Variants in NIPAL2 observed in about 807,000 individuals in gnomAD.
The protein encoded by NIPAL2 is NIPA-like protein 2.
In NIPAL2, 43 loss-of-function variants were observed where a neutral mutation model predicts 48.9. The ratio of observed to expected loss-of-function variants is 0.88; its 90% CI spans 0.69 to 1.13. The LOEUF is 1.13. Among genes scored for constraint, NIPAL2 ranks in the 50% most tolerant of loss-of-function variants. The pLI is 0.00. For missense variants in NIPAL2, 446 were observed against 461.4 expected, an observed-to-expected ratio of 0.97 and a Z score of 0.31; for synonymous variants, 167 against 174.6, an observed-to-expected ratio of 0.96 and a Z score of 0.34.
chr8:98,192,938 TG>T lies in NIPAL2; in HGVS notation c.*39del. ...GAACATGTGCAATTTTTTAAAAAGG[TG>T]GTATCGAATAACAGGCCAACAGCCA... On this transcript the variant is annotated 3_prime_UTR_variant, in exon 11 of 11. Coordinates refer to ENST00000430223, the MANE Select transcript of NIPAL2 (RefSeq NM_001321635.2). 1 of 1,237,862 alleles carries T rather than the reference TG, an allele frequency of 8.1e-7. No homozygotes were observed. The highest frequency in any genetic ancestry group is 1.9e-4 in the Middle Eastern group (1 of 5,360). The allele number at this position is 1,237,862 out of a possible 1,614,324, so 76.7% of individuals were successfully genotyped here. A position where few individuals can be genotyped will look rare whatever the true frequency, so the allele number is the denominator to read the frequency against.
chr8:98,231,323 C>T (rs1465182037), intron 4 of NIPAL2, among the ~76,000 whole-genome samples: 1 of 152,124 alleles, frequency 6.6e-6, no homozygotes, highest in Non-Finnish European at 1.5e-5. Flanking sequence ...GTCTTCTCAA[C>T]CAGAGACGAT....
intron 4 of NIPAL2, among the ~76,000 whole-genome samples, chr8:98,228,793 TC>T (rs1433215773): frequency 1.3e-5 from 2 of 152,188 alleles, no homozygotes; most frequent in Non-Finnish European, 2.9e-5. Context: ...TGGGGCTGTC[TC>T]TAAGGAGATA....
chr8:98,223,974 A>G (rs956206029), intron 4 of NIPAL2, among the ~76,000 whole-genome samples: 2 of 152,240 alleles, frequency 1.3e-5, no homozygotes, highest in Non-Finnish European at 2.9e-5. Flanking sequence ...AGAGATTCAA[A>G]AAAACTGTTT....
chr8:98,263,375 C>T (rs1489226361), intron 1 of NIPAL2, among the ~76,000 whole-genome samples: 2 of 150,202 alleles, frequency 1.3e-5, no homozygotes, highest in African/African-American at 4.9e-5. Flanking sequence ...AATTGATAGA[C>T]CGCTAGCAAG....
At chr8:98,244,523 A>AG (rs1463285141) in intron 3 of NIPAL2, among the ~76,000 whole-genome samples, 1 of 53,630 alleles carries the variant, frequency 1.9e-5, no homozygotes, top group Non-Finnish European at 3.4e-5. Context: ...GGCTGTGATA[A>AG]GGGGGGTGGG....
chr8:98,249,706 A>C (rs1351978939), intron 3 of NIPAL2, among the ~76,000 whole-genome samples: 1 of 147,424 alleles, frequency 6.8e-6, no homozygotes, highest in African/African-American at 2.5e-5. Context: ...ATTATATTAA[A>C]TATATTAAAC....
At chr8:98,221,690 C>T (rs544678642) in intron 5 of NIPAL2, among the ~76,000 whole-genome samples, 28 of 152,236 alleles carry the variant, frequency 1.8e-4, no homozygotes, top group African/African-American at 6.5e-4. Flanking sequence ...TGCTATCCCT[C>T]ATGCTTATCA....
chr8:98,195,780 C>T lies in NIPAL2; in HGVS notation c.944+162G>A, dbSNP rs112191000. The T allele has an allele frequency of 9.2e-4, 487 of 531,524 alleles. 4 individuals carry two copies. The highest frequency in any genetic ancestry group is 8.5e-3 in the African/African-American group (423 of 49,754). 32.9% of individuals were successfully genotyped at this position (531,524 alleles called of 1,614,324 possible). A position where few individuals can be genotyped will look rare whatever the true frequency, so the allele number is the denominator to read the frequency against. On this transcript the variant is annotated intron_variant, in intron 9 of 10. Transcript: ENST00000430223. ...GTCACAAAGCCAAAGACGCTGAGCC[C>T]TGTTTAGGGCCTTAAGTTAAAAAAT...
chr8:98,254,033 A>T lies in NIPAL2; in HGVS notation c.190T>A (p.Ser64Thr). Residue 64 changes from serine (S) to threonine (T), a missense_variant, in exon 2 of 11, where the codon TCT becomes ACT. Transcript: ENST00000430223. ...TTTTTTCTTACCTGAATATTTAGAG[A>T]AATACTGATCACCAAGTTTCCTAAA... ...AILGNLVISI[S>T]LNIQKYSHLQ... 1 of 1,609,974 alleles carries T rather than the reference A, an allele frequency of 6.2e-7. No homozygotes were observed.
chr8:98,269,318 C>T (rs1407160200), intron 1 of NIPAL2, among the ~76,000 whole-genome samples: 1 of 152,184 alleles, frequency 6.6e-6, no homozygotes, highest in Admixed American at 6.5e-5. Context: ...TTTATGGCAG[C>T]TATAGTCTTA....
intron 1 of NIPAL2, among the ~76,000 whole-genome samples, chr8:98,288,855 A>T (rs1816341411): frequency 6.6e-6 from 1 of 152,166 alleles, no homozygotes; most frequent in African/African-American, 2.4e-5. Context: ...AAGAATAGAA[A>T]TTGGGTCCCC....
intron 4 of NIPAL2, among the ~76,000 whole-genome samples, chr8:98,226,677 G>T (rs917965195): frequency 1.3e-5 from 2 of 152,168 alleles, no homozygotes; most frequent in Admixed American, 6.5e-5. Context: ...AAGCACCCCT[G>T]TGGCCACTCC....
At chr8:98,268,011 T>G (rs2130870490) in intron 1 of NIPAL2, among the ~76,000 whole-genome samples, 1 of 152,346 alleles carries the variant, frequency 6.6e-6, no homozygotes, top group Non-Finnish European at 1.5e-5. Context: ...CGAGTCTAGT[T>G]CTGAATATTA....
At chr8:98,198,257 A>G (rs906566743) in intron 8 of NIPAL2, among the ~76,000 whole-genome samples, 2 of 152,226 alleles carry the variant, frequency 1.3e-5, no homozygotes, top group Non-Finnish European at 2.9e-5. Context: ...AGTAGGTCTC[A>G]ACAGTGGGTT....
chr8:98,253,968 A>C, intron 2 of NIPAL2, 51 bp downstream of exon 2: 1 of 1,286,650 alleles, frequency 7.8e-7, no homozygotes, highest in Non-Finnish European at 1.1e-6. Context: ...GAGAGTCATA[A>C]TGTGTCCCTG....
chr8:98,280,761 T>TAGAGAGAGAGAGAGAGAGAGAG (rs1554578553), intron 1 of NIPAL2, among the ~76,000 whole-genome samples: 3 of 30,028 alleles, frequency 1.0e-4, no homozygotes, highest in Admixed American at 4.5e-4. Context: ...TATATATATA[T>TAGAGAGAGAGAGAGAGAGAGAG]AGAGAGAGAG....
chr8:98,236,622 G>T (rs867390518), intron 3 of NIPAL2, among the ~76,000 whole-genome samples: 8 of 152,170 alleles, frequency 5.3e-5, no homozygotes, highest in African/African-American at 1.7e-4. Context: ...TCAGCACTTT[G>T]GGAGGAGTTT....
chr8:98,234,204 C>T (rs1254006833), intron 4 of NIPAL2, among the ~76,000 whole-genome samples: 1 of 152,128 alleles, frequency 6.6e-6, no homozygotes, highest in Non-Finnish European at 1.5e-5. Context: ...TTCAGAAACA[C>T]TTCTAAACTA....
At chr8:98,217,146 T>G in intron 5 of NIPAL2, 1 of 985,490 alleles carries the variant, frequency 1.0e-6, no homozygotes, top group Middle Eastern at 5.2e-4. Context: ...GTGCACTTTA[T>G]TCTTCTCTGG....
Sources: gnomAD v4.1 joint callset for allele counts (sites outside exome capture counted in the v4.1 genomes callset) on GRCh38, gnomAD v4.1.1 for gene constraint, MANE v1.5 for transcripts, NCBI Gene and HGNC (gene_info 2026-07-23, HGNC 2026-07-21) for gene names.